The following SNAP47 variants were observed in gnomAD, a reference collection of about 807,000 sequenced individuals.
SNAP47 encodes the protein synaptosome associated protein 47.
SNAP47 carries 20 observed loss-of-function variants against 31.4 expected under a neutral mutation model. The ratio of observed to expected loss-of-function variants is 0.64; its 90% CI spans 0.45 to 0.93. The LOEUF (loss-of-function observed/expected upper bound fraction) is 0.93. Ranked by LOEUF, SNAP47 falls within the 40% of genes least tolerant of loss-of-function variation. The probability of loss-of-function intolerance (pLI) is 0.00; values close to 1 mark genes in which losing one functional copy is unlikely to be tolerated. For synonymous variants in SNAP47, 194 were observed against 213.4 expected, an observed-to-expected ratio of 0.91 and a Z score of 0.79; for missense variants, 492 against 528.5, an observed-to-expected ratio of 0.93 and a Z score of 0.68.
intron 3 of SNAP47, among the ~76,000 whole-genome samples, chr1:227,761,381 C>T (rs554281929): frequency 3.9e-4 from 59 of 152,286 alleles, no homozygotes; most frequent in East Asian, 1.5e-3. Context: ...ATATGCAGCA[C>T]GTAGTTGAAT....
intron 1 of SNAP47, among the ~76,000 whole-genome samples, chr1:227,744,980 C>T (rs1421981782): frequency 6.6e-6 from 1 of 152,180 alleles, no homozygotes; most frequent in African/African-American, 2.4e-5. Flanking sequence ...TGCCCTGACT[C>T]TGCACCTGTA....
rs1206188091 is a variant in SNAP47, at chr1:227,780,930, C to T, written c.*257C>T. 2.3e-5 allele frequency: 12 copies of T among 515,190 alleles called. No individual in the cohort carries two copies. The highest frequency in any genetic ancestry group is 2.1e-4 in the East Asian group (6 of 28,786). 31.9% of individuals were successfully genotyped at this position (515,190 alleles called of 1,614,324 possible). On this transcript the variant is annotated 3_prime_UTR_variant, in exon 5 of 5. Coordinates refer to ENST00000617596, the MANE Select transcript of SNAP47 (RefSeq NM_053052.4). ...GATGCTGCAGAAGTGTGGACCATGG[C>T]GGGACCCCAAGGACACTTGGCACAG...
In SNAP47 at chr1:227,780,618, A is replaced by G. The variant is rs1664408187; in HGVS notation, c.1205A>G (p.Asp402Gly). The change falls in exon 5 of 5, where the codon GAC becomes GGC. Residue 402 changes from aspartate to glycine, a missense_variant. Physicochemically the swap from Asp to Gly is moderately conservative, Grantham distance 94 (BLOSUM62 -1). Coordinates refer to ENST00000617596, the MANE Select transcript of SNAP47 (RefSeq NM_053052.4). ...EALDGVAAAV[D>G]RATLTIDKHN... ...CTGGATGGCGTTGCAGCAGCTGTGG[A>G]CAGGGCAACCTTGACCATCGACAAG... The G allele has an allele frequency of 6.2e-7, 1 of 1,614,088 alleles. No individual in the cohort carries two copies. The highest frequency in any genetic ancestry group is 1.1e-5 in the South Asian group (1 of 91,088).
chr1:227,772,678 A>G (rs949162290), intron 4 of SNAP47, among the ~76,000 whole-genome samples: 3 of 151,896 alleles, frequency 2.0e-5, no homozygotes, highest in Non-Finnish European at 4.4e-5. Context: ...TTTTCTTAGG[A>G]GTTCTGTGGT....
intron 2 of SNAP47, among the ~76,000 whole-genome samples, chr1:227,750,578 C>T (rs982252485): frequency 1.3e-5 from 2 of 152,208 alleles, no homozygotes; most frequent in Admixed American, 6.5e-5. Flanking sequence ...GTTCTGGAGC[C>T]CTCCCCATGG....
chr1:227,742,917 C>T (rs1288865093), intron 1 of SNAP47, among the ~76,000 whole-genome samples: 2 of 152,244 alleles, frequency 1.3e-5, no homozygotes, highest in Non-Finnish European at 2.9e-5. Flanking sequence ...GCTGCTGTGG[C>T]AGAACGGCAT....
At chr1:227,731,469 G>A (rs987222699), upstream of SNAP47, 4 of 152,370 alleles carry the variant, frequency 2.6e-5, no homozygotes, top group Non-Finnish European at 4.4e-5. Flanking sequence ...CTGGACTCTC[G>A]GTCAAGGACA....
chr1:227,732,813 A>G, upstream of SNAP47: 1 of 1,601,012 alleles, frequency 6.2e-7, no homozygotes, highest in Non-Finnish European at 8.5e-7. Flanking sequence ...GCGGTGACCA[A>G]GGGAGTCTGA....
In SNAP47 at chr1:227,759,112, G is replaced by A. The variant is rs749737658; in HGVS notation, c.615G>A (p.Gly205=). 1.9e-6 allele frequency: 3 copies of A among 1,614,040 alleles called. No homozygotes were observed. The African/African-American group carries it at 4.0e-5, about 22-fold the overall frequency. ...DVSMTSCEPF[G]KEGILIKIPA... ...CCATGACCAGTTGTGAACCCTTTGG[G>A]AAAGAAGGGATACTGATAAAAATTC... Residue 205 remains glycine, a synonymous_variant, in exon 3 of 5, where the codon GGG becomes GGA. Coordinates refer to ENST00000617596, the MANE Select transcript of SNAP47 (RefSeq NM_053052.4).
Position 227,748,223 on chromosome 1 carries a change from G to A in SNAP47, c.487G>A (p.Val163Met). Residue 163 changes from valine to methionine, a missense_variant, in exon 2 of 5, where the codon GTG becomes ATG. By Grantham distance (21) the Val-to-Met change is conservative (BLOSUM62 1). Transcript: ENST00000617596. ...GLDKMESDLE[V>M]ADRLLTELES... ...GGACAAGATGGAGTCAGACCTGGAG[G>A]TGGCGGACAGGTGGGCTTGCTGTGT... 1 of 1,582,720 alleles carries A rather than the reference G, an allele frequency of 6.3e-7. No individual in the cohort carries two copies.
At chr1:227,770,776 T>C (rs556205848) in intron 4 of SNAP47, 1 of 153,020 alleles carries the variant, frequency 6.5e-6, no homozygotes, top group African/African-American at 2.4e-5. Flanking sequence ...GAAATAAGGG[T>C]CTTAATCAGT....
intron 2 of SNAP47, among the ~76,000 whole-genome samples, chr1:227,754,705 C>G (rs935673167): frequency 6.6e-6 from 1 of 152,098 alleles, no homozygotes; most frequent in African/African-American, 2.4e-5. Context: ...GGTGGCCTGC[C>G]CTGCTCCTTC....
At chr1:227,753,055 C>A (rs1262710259) in intron 2 of SNAP47, among the ~76,000 whole-genome samples, 2 of 152,154 alleles carry the variant, frequency 1.3e-5, no homozygotes, top group Admixed American at 1.3e-4. Flanking sequence ...TTTTAATAAT[C>A]TGCAGACTCA....
chr1:227,775,659 A>G lies in SNAP47; in HGVS notation c.1114-4868A>G, dbSNP rs1240311970. ...TCAGCCTTGCCCTAATGGTGCGCGC[A>G]TGGACACACAGCTGCTTTGTAGGTG... On this transcript the variant is annotated intron_variant, in intron 4 of 4. Coordinates refer to ENST00000617596, the MANE Select transcript of SNAP47 (RefSeq NM_053052.4). 3.3e-6 allele frequency: 3 copies of G among 915,886 alleles called. No individual in the cohort carries two copies. In the African/African-American group the frequency reaches 5.1e-5, roughly 16 times the overall value. 56.7% of individuals were successfully genotyped at this position (915,886 alleles called of 1,614,324 possible). A position where few individuals can be genotyped will look rare whatever the true frequency, so the allele number is the denominator to read the frequency against.
intron 3 of SNAP47, among the ~76,000 whole-genome samples, chr1:227,765,811 G>A (rs556241541): frequency 1.3e-5 from 2 of 152,300 alleles, no homozygotes; most frequent in East Asian, 3.9e-4. Context: ...AGTCCCCTGT[G>A]GCCCTGGGCA....
upstream of SNAP47, chr1:227,732,058 G>T: frequency 2.4e-6 from 1 of 412,000 alleles, no homozygotes; most frequent in South Asian, 2.6e-5. Context: ...ATTAAGAGGA[G>T]CCACCAGAGA....
At chr1:227,735,270 C>T (rs1284527512), upstream of SNAP47, 1 of 1,606,072 alleles carries the variant, frequency 6.2e-7, no homozygotes. Context: ...GTCTCGCGGT[C>T]CATCCAGCTC....
chr1:227,755,704 A>G (rs1273447417), intron 2 of SNAP47, among the ~76,000 whole-genome samples: 1 of 151,522 alleles, frequency 6.6e-6, no homozygotes, highest in African/African-American at 2.4e-5. Flanking sequence ...ATTTTTTTGT[A>G]GAGATGGAGT....
rs969026581 is a variant in SNAP47 at position 227,762,695 on chromosome 1, A to G, written c.988+3210A>G. Among the ~76,000 whole-genome samples, 5 of 152,198 alleles carry G rather than the reference A, an allele frequency of 3.3e-5. No individual in the cohort carries two copies. Among genetic ancestry groups the G allele is most frequent in the Non-Finnish European group, 7.3e-5 (5 of 68,032 alleles). On this transcript the variant is annotated intron_variant, in intron 3 of 4. Coordinates refer to ENST00000617596, the MANE Select transcript of SNAP47 (RefSeq NM_053052.4). The surrounding 1 kb of genome is among the most constrained non-coding windows in gnomAD (Gnocchi z 4.2). Reference sequence around the variant, plus strand: ...AGAGACCTCTGCAGGGCTGCGTGCCAAGTGCACGTTTTATTTTATTCTAGA... The same window carrying G: ...AGAGACCTCTGCAGGGCTGCGTGCCGAGTGCACGTTTTATTTTATTCTAGA...
Sources: gnomAD v4.1 joint callset for allele counts (sites outside exome capture counted in the v4.1 genomes callset) on GRCh38, gnomAD v4.1.1 for gene constraint, Gnocchi (gnomAD v3.1) non-coding constraint, MANE v1.5 for transcripts, NCBI Gene and HGNC (gene_info 2026-07-23, HGNC 2026-07-21) for gene names.